Variants in SLC12A1 observed in about 807,000 individuals in gnomAD.
The protein encoded by SLC12A1 is Na-K-2Cl cotransporter.
Under a neutral mutation model 130.4 loss-of-function variants are expected in SLC12A1, and 89 were observed. The ratio of observed to expected loss-of-function variants is 0.68; its 90% confidence interval spans 0.58 to 0.81. The LOEUF is 0.81. Ranked by LOEUF, SLC12A1 falls within the 40% of genes least tolerant of loss-of-function variation. The pLI, the probability that SLC12A1 is intolerant of heterozygous loss-of-function variation, is 0.00. For missense variants in SLC12A1, 1,310 were observed against 1,336.4 expected (o/e 0.98, Z 0.31); for synonymous variants, 499 against 460.0 (o/e 1.08, Z -1.09).
intron 15 of SLC12A1, among the ~76,000 whole-genome samples, chr15:48,252,508 G>A (rs991071916): frequency 6.6e-6 from 1 of 152,038 alleles, no homozygotes; most frequent in Non-Finnish European, 1.5e-5. Context: ...TCACACTTAA[G>A]GAATTAATTA....
At chr15:48,254,994 T>C (rs1054504641) in intron 15 of SLC12A1, among the ~76,000 whole-genome samples, 4 of 152,122 alleles carry the variant, frequency 2.6e-5, no homozygotes, top group Non-Finnish European at 5.9e-5. Flanking sequence ...TGATGAAGAT[T>C]AGGGATTAGG....
chr15:48,213,481 C>T (rs2041079984), intron 2 of SLC12A1, among the ~76,000 whole-genome samples: 1 of 150,734 alleles, frequency 6.6e-6, no homozygotes, highest in African/African-American at 2.4e-5. Flanking sequence ...GTTAAAGTGA[C>T]TTGACCTCTT....
chr15:48,255,423 T>G, intron 15 of SLC12A1, among the ~76,000 whole-genome samples: 1 of 140,828 alleles, frequency 7.1e-6, no homozygotes, highest in African/African-American at 2.7e-5. Flanking sequence ...GCTGACAGAG[T>G]GAAACTCCAT....
intron 18 of SLC12A1, among the ~76,000 whole-genome samples, chr15:48,268,836 A>G (rs1393494051): frequency 2.0e-5 from 3 of 152,144 alleles, no homozygotes; most frequent in Admixed American, 2.0e-4. Flanking sequence ...ATCATACAAG[A>G]TTTTAAAATA....
intron 17 of SLC12A1, among the ~76,000 whole-genome samples, chr15:48,262,196 T>C (rs1415977072): frequency 6.6e-6 from 1 of 152,140 alleles, no homozygotes; most frequent in African/African-American, 2.4e-5. Context: ...GATCATGATG[T>C]AACAGTGAGA....
chr15:48,237,625 T>C (rs948313901), intron 9 of SLC12A1, among the ~76,000 whole-genome samples: 7 of 152,242 alleles, frequency 4.6e-5, no homozygotes, highest in Admixed American at 1.3e-4. Flanking sequence ...TGCATTCTTT[T>C]TATTTAAAAA....
At chr15:48,224,917 T>G (rs1298990456) in intron 4 of SLC12A1, 1 of 152,230 alleles carries the variant, frequency 6.6e-6, no homozygotes, top group Non-Finnish European at 1.5e-5. Flanking sequence ...TTTATAATCA[T>G]CAACCTTCTG....
chr15:48,225,188 C>T (rs1168186630), intron 4 of SLC12A1: 1 of 152,124 alleles, frequency 6.6e-6, no homozygotes. Context: ...GGTGACTTAT[C>T]ATAATAAGCA....
Position 48,259,360 on chromosome 15 carries a change from T to G in SLC12A1, c.2154+49T>G, listed in dbSNP as rs138537861. On this transcript the variant is annotated intron_variant, in intron 17 of 26. Transcript: ENST00000380993. ...AAGTCCTTTTTCCTCCCTGCTTATC[T>G]TGGATTATTTTGGGTGAGGAGAAAA... The G allele has an allele frequency of 4.7e-4, 575 of 1,214,138 alleles. 6 individuals are homozygous for G. The East Asian group carries it at 0.013, about 26-fold the overall frequency. The allele number at this position is 1,214,138 out of a possible 1,614,324, so 75.2% of individuals were successfully genotyped here. A position where few individuals can be genotyped will look rare whatever the true frequency, so the allele number is the denominator to read the frequency against.
chr15:48,267,720 A>G lies in SLC12A1; in HGVS notation c.2295+19A>G. On this transcript the variant is annotated intron_variant, in intron 18 of 26. Coordinates refer to ENST00000380993, the MANE Select transcript of SLC12A1 (RefSeq NM_000338.3). The stretch of plus-strand genomic sequence containing the variant: ...TCTTCAGGTAAGGCTGCATTGAGGG[A>G]ATGAGCACAGAGGCAAAAGACAATT... 6.2e-7 allele frequency: 1 copy of G among 1,612,506 alleles called. No homozygotes were observed. Among genetic ancestry groups the G allele is most frequent in the Non-Finnish European group, 8.5e-7 (1 of 1,178,910 alleles).
In SLC12A1 at chr15:48,251,795, G is replaced by A. The variant is rs183418811; in HGVS notation, c.1942+25G>A. ...GGTAAGATAATGACTGTCTGGAATA[G>A]CGTTTCCAAATCTCTCTCTAACTAC... On this transcript the variant is annotated intron_variant, in intron 15 of 26. Transcript: ENST00000380993. 1.9e-6 allele frequency: 3 copies of A among 1,606,832 alleles called. No homozygotes were observed. The African/African-American group carries it at 4.0e-5, about 21-fold the overall frequency.
At chr15:48,292,809 C>G (rs964744789) in intron 24 of SLC12A1, among the ~76,000 whole-genome samples, 1 of 152,184 alleles carries the variant, frequency 6.6e-6, no homozygotes, top group Non-Finnish European at 1.5e-5. Context: ...AATTACCACC[C>G]AGAGGCTTCA....
rs144631819 is a variant in SLC12A1 at position 48,226,709 on chromosome 15, A to G, written c.724+138A>G. On this transcript the variant is annotated intron_variant, in intron 5 of 26. Coordinates refer to ENST00000380993, the MANE Select transcript of SLC12A1 (RefSeq NM_000338.3). The stretch of plus-strand genomic sequence containing the variant: ...GCTATTTGGAGGAGCTGGATGCCAA[A>G]GAAAACCTAAGGTACGATGAGAATA... 262 of 668,260 alleles carry G rather than the reference A, an allele frequency of 3.9e-4. No individual in the cohort carries two copies. The East Asian group carries it at 6.8e-3, about 17-fold the overall frequency. The allele number at this position is 668,260 out of a possible 1,614,324, so 41.4% of individuals were successfully genotyped here.
intron 2 of SLC12A1, among the ~76,000 whole-genome samples, chr15:48,219,313 G>A (rs532149716): frequency 6.6e-6 from 1 of 152,272 alleles, no homozygotes; most frequent in South Asian, 2.1e-4. Flanking sequence ...GGGAGGCCAA[G>A]GTGGGCCTTC....
At chr15:48,297,798 A>G (rs529345032) in intron 24 of SLC12A1, among the ~76,000 whole-genome samples, 3 of 152,152 alleles carry the variant, frequency 2.0e-5, no homozygotes, top group Non-Finnish European at 4.4e-5. Flanking sequence ...TAGAATATCC[A>G]GGTCAAGGAG....
intron 15 of SLC12A1, among the ~76,000 whole-genome samples, chr15:48,253,379 TTCTGACG>T (rs1368716927): frequency 1.3e-5 from 2 of 152,230 alleles, no homozygotes; most frequent in African/African-American, 4.8e-5. Flanking sequence ...GCAGCTGCTT[TTCTGACG>T]TCTGATCCTG....
At chr15:48,244,627 C>G (rs1238240177) in intron 10 of SLC12A1, 126 bp from the exon 11 acceptor site, 3 of 880,992 alleles carry the variant, frequency 3.4e-6, no homozygotes, top group Non-Finnish European at 5.2e-6. Flanking sequence ...TTATCAAGAA[C>G]TACTCACAGT....
chr15:48,230,336 A>G (rs957458166), intron 6 of SLC12A1, 57 bp from the exon 7 acceptor site: 9 of 1,024,910 alleles, frequency 8.8e-6, no homozygotes, highest in South Asian at 1.4e-5. Context: ...AAATGCTGCA[A>G]TAAGACTCAC....
chr15:48,271,662 A>C (rs1471971070), intron 19 of SLC12A1, among the ~76,000 whole-genome samples: 1 of 152,168 alleles, frequency 6.6e-6, no homozygotes, highest in Non-Finnish European at 1.5e-5. Flanking sequence ...TGAGGAACCT[A>C]TATATTAAGT....
Sources: gnomAD v4.1 joint callset for allele counts (sites outside exome capture counted in the v4.1 genomes callset) on GRCh38, gnomAD v4.1.1 for gene constraint, MANE v1.5 for transcripts, NCBI Gene and HGNC (gene_info 2026-07-23, HGNC 2026-07-21) for gene names.